PKN2: variants seen among roughly 807,000 people sequenced by gnomAD.
PKN2 encodes protein kinase N2, also known as serine/threonine-protein kinase N2.
PKN2 carries 38 observed loss-of-function variants against 119.1 expected under a neutral mutation model. The ratio of observed to expected loss-of-function variants is 0.32; its 90% CI spans 0.25 to 0.42. The LOEUF (loss-of-function observed/expected upper bound fraction) is 0.42. PKN2 is among the 10% of genes least tolerant of loss of function. PKN2 has a pLI of 1.00. For synonymous variants in PKN2, 390 were observed against 384.9 expected (o/e 1.01, Z -0.15); for missense variants, 850 against 1,165.1 (o/e 0.73, Z 3.94).
intron 2 of PKN2, among the ~76,000 whole-genome samples, chr1:88,759,702 C>G (rs1339934555): frequency 6.6e-6 from 1 of 152,160 alleles, no homozygotes; most frequent in Admixed American, 6.6e-5. Context: ...TCAATTTTTA[C>G]TTTTGTTGCA....
At chr1:88,817,850 A>G (rs1386313060) in intron 16 of PKN2, among the ~76,000 whole-genome samples, 1 of 152,208 alleles carries the variant, frequency 6.6e-6, no homozygotes. Flanking sequence ...AATATTCAAC[A>G]TAGTATTGGA....
At chr1:88,688,910 T>G (rs1334609855) in intron 1 of PKN2, among the ~76,000 whole-genome samples, 2 of 152,252 alleles carry the variant, frequency 1.3e-5, no homozygotes. Flanking sequence ...TACGTAGTTT[T>G]CTTTAATTTA....
chr1:88,769,386 G>A (rs60860821), intron 3 of PKN2, among the ~76,000 whole-genome samples: 1 of 151,980 alleles, frequency 6.6e-6, no homozygotes, highest in African/African-American at 2.4e-5. Context: ...TAGGTTTTTA[G>A]TTTAGGTTTA....
chr1:88,736,870 T>A (rs1668368859), intron 1 of PKN2, among the ~76,000 whole-genome samples: 1 of 152,232 alleles, frequency 6.6e-6, no homozygotes. Context: ...CACAGTTGGT[T>A]TGTGTTCTGG....
intron 8 of PKN2, among the ~76,000 whole-genome samples, chr1:88,802,925 A>G (rs1181996990): frequency 6.6e-6 from 1 of 152,178 alleles, no homozygotes; most frequent in Admixed American, 6.5e-5. Flanking sequence ...CCTCCAATCT[A>G]AAAAAATGGA....
At chr1:88,829,200 A>G in intron 19 of PKN2, 1 of 736,044 alleles carries the variant, frequency 1.4e-6, no homozygotes, top group Non-Finnish European at 2.6e-6. Context: ...TATTGTAAAA[A>G]CAGAACGTAC....
intron 1 of PKN2, among the ~76,000 whole-genome samples, chr1:88,740,283 A>T (rs948217820): frequency 2.0e-5 from 3 of 152,098 alleles, no homozygotes; most frequent in Admixed American, 6.5e-5. Flanking sequence ...TAATTCATTA[A>T]CTAAAAAGTG....
At chr1:88,693,023 C>A (rs1280628816) in intron 1 of PKN2, among the ~76,000 whole-genome samples, 1 of 152,176 alleles carries the variant, frequency 6.6e-6, no homozygotes, top group Non-Finnish European at 1.5e-5. Context: ...TATTGCTTCA[C>A]ACATGCTAGG....
At chr1:88,825,487 A>G (rs1672464417) in intron 18 of PKN2, among the ~76,000 whole-genome samples, 1 of 152,202 alleles carries the variant, frequency 6.6e-6, no homozygotes, top group Non-Finnish European at 1.5e-5. Context: ...GGGTGTTGGT[A>G]TCACAATCCC....
intron 1 of PKN2, among the ~76,000 whole-genome samples, chr1:88,725,832 T>G (rs1667877002): frequency 6.6e-6 from 1 of 152,192 alleles, no homozygotes; most frequent in African/African-American, 2.4e-5. Flanking sequence ...TCCTACATTT[T>G]TTTCTAAAAG....
intron 12 of PKN2, among the ~76,000 whole-genome samples, chr1:88,806,478 G>A (rs1251630721): frequency 6.6e-6 from 1 of 151,448 alleles, no homozygotes; most frequent in Non-Finnish European, 1.5e-5. Flanking sequence ...CCGAATTTAT[G>A]TTTCTTATGG....
At chr1:88,816,132 C>G (rs571500902) in intron 16 of PKN2, among the ~76,000 whole-genome samples, 1 of 113,010 alleles carries the variant, frequency 8.8e-6, no homozygotes, top group African/African-American at 2.8e-5. Context: ...AGAGTGAGAC[C>G]CCCCCAAATT....
At chr1:88,690,131 A>C (rs1392956732) in intron 1 of PKN2, among the ~76,000 whole-genome samples, 2 of 152,144 alleles carry the variant, frequency 1.3e-5, no homozygotes, top group Admixed American at 1.3e-4. Flanking sequence ...TGCAATTCCT[A>C]CCATTCACAT....
At chr1:88,789,848 A>G (rs1670742543) in intron 8 of PKN2, among the ~76,000 whole-genome samples, 2 of 152,052 alleles carry the variant, frequency 1.3e-5, no homozygotes, top group Admixed American at 1.3e-4. Context: ...AATTATGTTA[A>G]ATCAGTAATC....
intron 1 of PKN2, among the ~76,000 whole-genome samples, chr1:88,721,295 T>TA (rs1667669586): frequency 6.6e-6 from 1 of 152,192 alleles, no homozygotes; most frequent in African/African-American, 2.4e-5. Flanking sequence ...TATTTTTTTT[T>TA]ATTTTTAAAA....
At position 88,813,707 on chromosome 1, in the gene PKN2, T is replaced by G. The variant is rs200519077; in HGVS notation, c.2253T>G (p.Thr751=). ...AGGDLMMHIH[T]DVFSEPRAVF... ...GGGACCTAATGATGCACATTCATAC[T>G]GATGTCTTTTCTGAACCAAGAGCTG... The change falls in exon 16 of 22, where the codon ACT becomes ACG. Residue 751 remains threonine (T), a synonymous_variant. Coordinates refer to ENST00000370521, the MANE Select transcript of PKN2 (RefSeq NM_006256.4). The G allele has an allele frequency of 1.4e-4, 220 of 1,596,220 alleles. No individual in the cohort carries two copies. Among genetic ancestry groups the G allele is most frequent in the Non-Finnish European group, 1.7e-4 (200 of 1,174,250 alleles).
intron 1 of PKN2, among the ~76,000 whole-genome samples, chr1:88,727,715 G>A (rs978621962): frequency 2.0e-5 from 3 of 152,204 alleles, no homozygotes; most frequent in South Asian, 4.1e-4. Flanking sequence ...GTTCCTTTGG[G>A]TATTATAATA....
chr1:88,717,206 TTCTC>T (rs1337599004), intron 1 of PKN2, among the ~76,000 whole-genome samples: 5 of 152,194 alleles, frequency 3.3e-5, no homozygotes, highest in African/African-American at 1.2e-4. Context: ...AACCTGACCT[TTCTC>T]TCTGGCTGCC....
chr1:88,833,092 C>T lies in PKN2; in HGVS notation c.2686C>T (p.Pro896Ser). The T allele has an allele frequency of 6.2e-7, 1 of 1,611,908 alleles. No homozygotes were observed. Among genetic ancestry groups the T allele is most frequent in the Non-Finnish European group, 8.5e-7 (1 of 1,178,910 alleles). ...ATTATGCTAGCTGTTAAGAAGAAAT[C>T]CTGAACGGCGCCTTGGGGCTAGCGA... ...SIMRRLLRRNPERRLGASEKD... is the reference protein window; with the variant it reads ...SIMRRLLRRNSERRLGASEKD... The change falls in exon 21 of 22, where the codon CCT (proline) becomes TCT (serine). Residue 896 changes from proline to serine, a missense_variant. Physicochemically the swap from Pro to Ser is moderately conservative, Grantham distance 74 (BLOSUM62 -1). This residue lies in a region of PKN2 where 95 missense variants were observed against 150.2 expected (regional missense o/e 0.63). Transcript: ENST00000370521.
Sources: allele counts gnomAD v4.1 joint callset (sites outside exome capture counted in the v4.1 genomes callset), GRCh38; gene constraint gnomAD v4.1.1; regional missense constraint gnomAD v4.1.1; transcripts MANE v1.5; gene names NCBI Gene and HGNC (gene_info 2026-07-23, HGNC 2026-07-21).